Variants in ZNF560 observed in about 807,000 individuals in gnomAD.
ZNF560 encodes the protein zinc finger protein 560.
ZNF560 carries 54 observed loss-of-function variants against 81.8 expected under a neutral mutation model. That is an observed-to-expected ratio of 0.66 (90% CI 0.53 to 0.83). ZNF560 has a LOEUF of 0.83. Ranked by LOEUF, ZNF560 falls within the 40% of genes least tolerant of loss-of-function variation. The pLI, the probability that ZNF560 is intolerant of heterozygous loss-of-function variation, is 0.00. For missense variants in ZNF560, 940 were observed against 932.4 expected (o/e 1.01, Z -0.11); for synonymous variants, 321 against 317.9 (o/e 1.01, Z -0.10).
chr19:9,506,428 T>C, the ZNF560 span, among the ~76,000 whole-genome samples: 1 of 130,018 alleles, frequency 7.7e-6, no homozygotes, highest in Non-Finnish European at 1.7e-5. Context: ...TTTTTTTTTT[T>C]GCAAAATATA....
At chr19:9,446,435 A>G in the ZNF560 span, among the ~76,000 whole-genome samples, 5 of 150,962 alleles carry the variant, frequency 3.3e-5, no homozygotes, top group South Asian at 2.1e-4. Flanking sequence ...TTCTCTTGTT[A>G]CTTCTGGTTT....
chr19:9,504,065 T>C, the ZNF560 span, among the ~76,000 whole-genome samples: 3 of 152,226 alleles, frequency 2.0e-5, no homozygotes, highest in African/African-American at 7.2e-5. Flanking sequence ...TTAATGTTTT[T>C]CTGCCATTAT....
At chr19:9,468,993 G>A (rs2073080472) in intron 9 of ZNF560, 112 bp downstream of exon 9, 5 of 790,014 alleles carry the variant, frequency 6.3e-6, no homozygotes, top group Non-Finnish European at 1.0e-5. Flanking sequence ...CTCCCAAAGT[G>A]CTGGGATTAG....
the ZNF560 span, among the ~76,000 whole-genome samples, chr19:9,446,772 G>C: frequency 6.6e-6 from 1 of 152,060 alleles, no homozygotes; most frequent in East Asian, 1.9e-4. Flanking sequence ...TTTACTTATA[G>C]TATAGAGATA....
chr19:9,481,675 G>T (rs1260402731), intron 2 of ZNF560, among the ~76,000 whole-genome samples: 1 of 152,160 alleles, frequency 6.6e-6, no homozygotes. Flanking sequence ...ATGAAAAAAT[G>T]CTCATCATCA....
chr19:9,492,967 G>A (rs1238095440), intron 2 of ZNF560, among the ~76,000 whole-genome samples: 2 of 152,146 alleles, frequency 1.3e-5, no homozygotes, highest in African/African-American at 2.4e-5. Flanking sequence ...GCCCTTATAA[G>A]TTTCATATCC....
In ZNF560 at chr19:9,475,287, A is replaced by G; in HGVS notation, c.27T>C (p.Tyr9=). 1.2e-6 allele frequency: 2 copies of G among 1,613,884 alleles called. No individual in the cohort carries two copies. The highest frequency in any genetic ancestry group is 1.1e-5 in the South Asian group (1 of 91,052). Reference sequence around the variant, plus strand: ...GAAGTATACATTTTCTGCATACCTGATAACAATTTGTCAGGCAGTAAGCCA... The same window carrying G: ...GAAGTATACATTTTCTGCATACCTGGTAACAATTTGTCAGGCAGTAAGCCA... MAYCLTNC[Y]QYSVTFEDTA... Residue 9 remains tyrosine, a synonymous_variant, in exon 3 of 10, where the codon TAT becomes TAC. Transcript: ENST00000301480.
intron 2 of ZNF560, among the ~76,000 whole-genome samples, chr19:9,496,866 G>C (rs1042256309): frequency 6.6e-6 from 1 of 151,752 alleles, no homozygotes; most frequent in Admixed American, 6.6e-5. Flanking sequence ...AACCAGGGAG[G>C]CAGAGGTTGC....
At chr19:9,462,258 G>A (rs1599640239), downstream of ZNF560, among the ~76,000 whole-genome samples, 1 of 152,188 alleles carries the variant, frequency 6.6e-6, no homozygotes, top group Admixed American at 6.5e-5. Context: ...ATGAGGGCAA[G>A]GAACACCTGG....
the ZNF560 span, among the ~76,000 whole-genome samples, chr19:9,456,211 C>A: frequency 6.6e-6 from 1 of 152,198 alleles, no homozygotes. Flanking sequence ...GGCTGTGAGT[C>A]TCCTGCCTGG....
At chr19:9,497,391 C>T (rs947949171) in intron 2 of ZNF560, among the ~76,000 whole-genome samples, 18 of 151,722 alleles carry the variant, frequency 1.2e-4, no homozygotes, top group African/African-American at 4.3e-4. Flanking sequence ...AAAAATTATC[C>T]GGGCACGGTG....
intron 2 of ZNF560, among the ~76,000 whole-genome samples, chr19:9,486,740 C>CA (rs35142081): frequency 3.7e-4 from 46 of 124,498 alleles, no homozygotes; most frequent in African/African-American, 6.2e-4. Flanking sequence ...GACTCTGTCT[C>CA]AAAAAAAAAA....
chr19:9,486,893 T>C (rs1323476121), intron 2 of ZNF560, among the ~76,000 whole-genome samples: 1 of 152,264 alleles, frequency 6.6e-6, no homozygotes, highest in Non-Finnish European at 1.5e-5. Flanking sequence ...TTCTATGTCC[T>C]TGTACTTTAA....
chr19:9,481,036 A>G (rs10421529), intron 2 of ZNF560, among the ~76,000 whole-genome samples: 7,144 of 151,050 alleles, frequency 0.047, 591 homozygotes, highest in African/African-American at 0.17. Flanking sequence ...GTGAGCTGAG[A>G]TCATGCCACT....
At chr19:9,501,252 A>C (rs984141838), upstream of ZNF560, among the ~76,000 whole-genome samples, 4 of 136,648 alleles carry the variant, frequency 2.9e-5, no homozygotes, top group Non-Finnish European at 4.5e-5. Flanking sequence ...CTTGACCACC[A>C]CAGGCTCAAG....
chr19:9,496,659 C>T (rs1349397600), intron 2 of ZNF560, among the ~76,000 whole-genome samples: 1 of 151,422 alleles, frequency 6.6e-6, no homozygotes, highest in African/African-American at 2.4e-5. Flanking sequence ...AGATCCTGGC[C>T]AGGTGCAGTG....
At chr19:9,463,264 A>G (rs2072962760), downstream of ZNF560, among the ~76,000 whole-genome samples, 1 of 152,212 alleles carries the variant, frequency 6.6e-6, no homozygotes, top group Non-Finnish European at 1.5e-5. Flanking sequence ...GCTTCTAAAA[A>G]AAATAAAAAA....
Position 9,467,355 on chromosome 19 carries a change from A to G in ZNF560, c.1592T>C (p.Leu531Pro), listed in dbSNP as rs886984478. 1 of 1,614,176 alleles carries G rather than the reference A, an allele frequency of 6.2e-7. No individual in the cohort carries two copies. Among genetic ancestry groups the G allele is most frequent in the Non-Finnish European group, 8.5e-7 (1 of 1,180,030 alleles). ...TGTGTGAGTTCGCATGTGAATACGA[A>G]GACAGGCAGAAGAGGTAAATGGTTT... ...CGKPFTSSAC[L>P]RIHMRTHTEE... Residue 531 changes from leucine (L) to proline (P), a missense_variant, in exon 10 of 10, where the codon CTT (leucine) becomes CCT (proline). Transcript: ENST00000301480.
downstream of ZNF560, among the ~76,000 whole-genome samples, chr19:9,466,218 T>C (rs1405660087): frequency 6.6e-6 from 1 of 151,674 alleles, no homozygotes; most frequent in Non-Finnish European, 1.5e-5. Context: ...TGGTGGTGCA[T>C]GCCTGTAATC....
Sources: allele counts gnomAD v4.1 joint callset (sites outside exome capture counted in the v4.1 genomes callset), GRCh38; gene constraint gnomAD v4.1.1; transcripts MANE v1.5; gene names NCBI Gene and HGNC (gene_info 2026-07-23, HGNC 2026-07-21).